The following AFG3L2 variants were observed in gnomAD, a reference collection of about 807,000 sequenced individuals.
AFG3L2 encodes mitochondrial inner membrane m-AAA protease component AFG3L2.
Under a neutral mutation model 94.5 loss-of-function variants are expected in AFG3L2, and 54 were observed. The ratio of observed to expected loss-of-function variants is 0.57; its 90% confidence interval spans 0.46 to 0.72. The LOEUF (loss-of-function observed/expected upper bound fraction) is 0.72, where lower values mean the gene tolerates loss of function less well. Ranked by LOEUF, AFG3L2 falls within the 30% of genes least tolerant of loss-of-function variation. The probability of loss-of-function intolerance (pLI) is 0.00; values close to 1 mark genes in which losing one functional copy is unlikely to be tolerated. For synonymous variants in AFG3L2, 377 were observed against 365.5 expected, an observed-to-expected ratio of 1.03 and a Z score of -0.36; for missense variants, 754 against 994.9, an observed-to-expected ratio of 0.76 and a Z score of 3.26.
intron 9 of AFG3L2, among the ~76,000 whole-genome samples, chr18:12,353,665 C>T (rs765483830): frequency 3.9e-5 from 6 of 152,084 alleles, no homozygotes; most frequent in Admixed American, 6.6e-5. Flanking sequence ...CCTGGGTAAC[C>T]GACTTAAGGT....
chr18:12,358,213 T>G (rs1908552486), intron 8 of AFG3L2, among the ~76,000 whole-genome samples: 1 of 152,194 alleles, frequency 6.6e-6, no homozygotes, highest in African/African-American at 2.4e-5. Flanking sequence ...CAAGAGCATA[T>G]TTGCTGGAAA....
intron 12 of AFG3L2, among the ~76,000 whole-genome samples, chr18:12,349,519 G>C (rs1908247007): frequency 6.6e-6 from 1 of 152,148 alleles, no homozygotes; most frequent in Non-Finnish European, 1.5e-5. Flanking sequence ...CTGATGGGTG[G>C]ATCAACAAGA....
intron 14 of AFG3L2, chr18:12,342,220 A>G: frequency 6.6e-6 from 1 of 152,112 alleles, no homozygotes. Context: ...CCATATCCTT[A>G]TCAACAATGA....
In AFG3L2 at chr18:12,340,315, C is replaced by T. The variant is rs777264204; in HGVS notation, c.1866G>A (p.Leu622=). The change falls in exon 15 of 17, where the codon TTG becomes TTA. Residue 622 remains leucine, a synonymous_variant. Transcript: ENST00000269143. ...CACCTAAAGTCATACACATCCTATC[C>T]AAGAGCTGCTCTTTGGTATAGAGGT... The part of the protein sequence containing the change: ...EQYLYTKEQL[L]DRMCMTLGGR... 3.1e-5 allele frequency: 50 copies of T among 1,613,916 alleles called. No homozygotes were observed. In the Admixed American group the frequency reaches 5.2e-4, roughly 17 times the overall value.
intron 9 of AFG3L2, among the ~76,000 whole-genome samples, chr18:12,354,499 G>A (rs548637460): frequency 5.6e-4 from 85 of 152,250 alleles, no homozygotes; most frequent in African/African-American, 1.9e-3. Flanking sequence ...CTGTGCCATG[G>A]GTCTCCCCCA....
At position 12,329,322 on chromosome 18, in the gene AFG3L2, G is replaced by A. The variant is rs1332489718; in HGVS notation, c.*243C>T. 40 of 675,856 alleles carry A rather than the reference G, an allele frequency of 5.9e-5. No homozygotes were observed. Among genetic ancestry groups the A allele is most frequent in the South Asian group, 2.4e-4 (15 of 63,152 alleles). 41.9% of individuals were successfully genotyped at this position (675,856 alleles called of 1,614,324 possible). A position where few individuals can be genotyped will look rare whatever the true frequency, so the allele number is the denominator to read the frequency against. Reference sequence around the variant, plus strand: ...ACTCTGGGCTCAACCTTTCCAGCACGTCTGGGAGCCCAATGAGGCTATGGG... The same window carrying A: ...ACTCTGGGCTCAACCTTTCCAGCACATCTGGGAGCCCAATGAGGCTATGGG... On this transcript the variant is annotated 3_prime_UTR_variant, in exon 17 of 17. Transcript: ENST00000269143.
chr18:12,332,678 A>G (rs1907571922), intron 16 of AFG3L2, among the ~76,000 whole-genome samples: 1 of 94,744 alleles, frequency 1.1e-5, no homozygotes, highest in Non-Finnish European at 2.4e-5. Flanking sequence ...CCATATATAT[A>G]TATATATTTT....
rs941509138 is a variant in AFG3L2, at chr18:12,377,200, G to A, written c.-118C>T. On this transcript the variant is annotated 5_prime_UTR_variant, in exon 1 of 17. Transcript: ENST00000269143. ...AGGCCGCCAGGCAGCGAAGCGCGCC[G>A]GCGGCTCACGGAGGAGCCCAAGCTC... 4 of 782,108 alleles carry A rather than the reference G, an allele frequency of 5.1e-6. No individual in the cohort carries two copies. Among genetic ancestry groups the A allele is most frequent in the South Asian group, 3.2e-5 (2 of 62,058 alleles). The allele number at this position is 782,108 out of a possible 1,614,324, so 48.4% of individuals were successfully genotyped here.
intron 11 of AFG3L2, 34 bp from the exon 12 acceptor site, chr18:12,351,244 T>C (rs1253748192): frequency 1.9e-6 from 3 of 1,614,098 alleles, no homozygotes; most frequent in Non-Finnish European, 2.5e-6. Flanking sequence ...AAGAAAATCA[T>C]ATTGAAACAG....
In AFG3L2 at chr18:12,351,289, A is replaced by G. The variant is rs529264477; in HGVS notation, c.1426+17T>C. The stretch of plus-strand genomic sequence containing the variant: ...CACTCATGAGCACTGGACCTGCCCC[A>G]GCAAACATCATCTCACCAATAAAGA... On this transcript the variant is annotated intron_variant, in intron 11 of 16. Coordinates refer to ENST00000269143, the MANE Select transcript of AFG3L2 (RefSeq NM_006796.3). 2 of 1,614,168 alleles carry G rather than the reference A, an allele frequency of 1.2e-6. No individual in the cohort carries two copies. The highest frequency in any genetic ancestry group is 1.7e-6 in the Non-Finnish European group (2 of 1,179,996).
intron 16 of AFG3L2, among the ~76,000 whole-genome samples, chr18:12,331,808 A>AATAAATAT (rs1389928934): frequency 6.1e-5 from 9 of 146,362 alleles, no homozygotes; most frequent in African/African-American, 2.1e-4. Context: ...TAAATAAATA[A>AATAAATAT]ATATATATAT....
chr18:12,369,513 A>G (rs1908911537), intron 3 of AFG3L2, among the ~76,000 whole-genome samples: 1 of 151,224 alleles, frequency 6.6e-6, no homozygotes. Context: ...GGTGGATCAC[A>G]TGAGGTCAGG....
chr18:12,370,086 A>G (rs1360737190), intron 3 of AFG3L2, among the ~76,000 whole-genome samples: 2 of 150,914 alleles, frequency 1.3e-5, no homozygotes, highest in African/African-American at 4.9e-5. Context: ...AAAGCAAGGA[A>G]GTCAGTCAAA....
Position 12,344,547 on chromosome 18 carries a change from G to A in AFG3L2, c.1664-300C>T, listed in dbSNP as rs549418174. On this transcript the variant is annotated intron_variant, in intron 13 of 16. Coordinates refer to ENST00000269143, the MANE Select transcript of AFG3L2 (RefSeq NM_006796.3). ...AAATTAGCCAGGCGTCGTGGTGAGC[G>A]CCTGTACTCCCAGCTGCTAGGGAGG... is the stretch of plus-strand genomic sequence containing the variant. Among the ~76,000 whole-genome samples the A allele has an allele frequency of 1.6e-3, 246 of 152,088 alleles. 1 individual carries two copies. Among genetic ancestry groups the A allele is most frequent in the African/African-American group, 5.6e-3 (233 of 41,476 alleles).
intron 5 of AFG3L2, 98 bp downstream of exon 5, chr18:12,366,867 G>T: frequency 6.7e-7 from 1 of 1,494,496 alleles, no homozygotes; most frequent in Non-Finnish European, 9.3e-7. Context: ...TTTTACAATG[G>T]ACGAGCCAGG....
chr18:12,331,431 C>T (rs911961626), intron 16 of AFG3L2, among the ~76,000 whole-genome samples: 8 of 152,154 alleles, frequency 5.3e-5, no homozygotes, highest in Admixed American at 1.3e-4. Flanking sequence ...GAGGGCTGCC[C>T]GATTCCCAAA....
At chr18:12,351,545 TTTTG>T (rs1021933327) in intron 10 of AFG3L2, 132 bp from the exon 11 acceptor site, 3 of 842,042 alleles carry the variant, frequency 3.6e-6, no homozygotes, top group African/African-American at 1.7e-5. Flanking sequence ...ATCTAGTGTT[TTTTG>T]TTTTTTTTTT....
Position 12,344,188 on chromosome 18 carries a change from C to T in AFG3L2, c.1723G>A (p.Glu575Lys). 4 of 1,614,162 alleles carry T rather than the reference C, an allele frequency of 2.5e-6. No individual in the cohort carries two copies. The highest frequency in any genetic ancestry group is 3.4e-6 in the Non-Finnish European group (4 of 1,180,030). The change falls in exon 14 of 17, where the codon GAA becomes AAA. Residue 575 changes from glutamate to lysine, a missense_variant. Physicochemically the swap from Glu to Lys is moderately conservative, Grantham distance 56 (BLOSUM62 1). Coordinates refer to ENST00000269143, the MANE Select transcript of AFG3L2 (RefSeq NM_006796.3). ...CAGCCGGCAACCGCATGGCCTGCTTCGTGGTATGCCACAGTCTTCTTCTCC... is the reference window on the plus strand; with the variant it reads ...CAGCCGGCAACCGCATGGCCTGCTTTGTGGTATGCCACAGTCTTCTTCTCC... The part of the protein sequence containing the change: ...PEEKKTVAYH[E>K]AGHAVAGWYL...
At chr18:12,332,618 C>A (rs1907569696) in intron 16 of AFG3L2, among the ~76,000 whole-genome samples, 1 of 151,438 alleles carries the variant, frequency 6.6e-6, no homozygotes, top group Non-Finnish European at 1.5e-5. Context: ...ATTCTTGTTT[C>A]AGCTCTCTAG....
Sources: gnomAD v4.1 joint callset for allele counts (sites outside exome capture counted in the v4.1 genomes callset) on GRCh38, gnomAD v4.1.1 for gene constraint, MANE v1.5 for transcripts, NCBI Gene and HGNC (gene_info 2026-07-23, HGNC 2026-07-21) for gene names.